Variants in RALA observed in about 807,000 individuals in gnomAD.
RALA encodes the protein ras-related protein Ral-A.
In RALA, 5 loss-of-function variants were observed where a neutral mutation model predicts 24.0. That is an observed-to-expected ratio of 0.21 (90% CI 0.11 to 0.44). RALA has a LOEUF of 0.44. Among genes scored for constraint, RALA ranks in the 20% least tolerant of loss-of-function variants. The pLI is 0.99. For synonymous variants in RALA, 77 were observed against 83.8 expected (o/e 0.92, Z 0.44); for missense variants, 95 against 241.2 (o/e 0.39, Z 4.01).
chr7:39,667,542 A>G (rs960270459), intron 1 of RALA, among the ~76,000 whole-genome samples: 1 of 152,212 alleles, frequency 6.6e-6, no homozygotes, highest in Admixed American at 6.5e-5. Flanking sequence ...TGTAGGGGGA[A>G]TCTCTTCTTC....
At position 39,706,748 on chromosome 7, in the gene RALA, A is replaced by G. The variant is rs1793126966; in HGVS notation, c.*503A>G. On this transcript the variant is annotated 3_prime_UTR_variant, in exon 5 of 5. Transcript: ENST00000005257. Reference sequence around the variant, plus strand: ...TGGCATGGTTGTTGCATATAGTTAAACTGAGAGTAATTCATCTGTGAATCT... The same window carrying G: ...TGGCATGGTTGTTGCATATAGTTAAGCTGAGAGTAATTCATCTGTGAATCT... The G allele has an allele frequency of 6.6e-6, 1 of 152,566 alleles. No homozygotes were observed. The highest frequency in any genetic ancestry group is 2.4e-5 in the African/African-American group (1 of 41,438). The allele number at this position is 152,566 out of a possible 1,614,324, so 9.5% of individuals were successfully genotyped here.
intron 1 of RALA, among the ~76,000 whole-genome samples, chr7:39,667,705 A>G (rs973953224): frequency 2.6e-5 from 4 of 152,252 alleles, no homozygotes; most frequent in Non-Finnish European, 5.9e-5. Context: ...TTGCAGCAAC[A>G]TCTGTTCCAT....
intron 3 of RALA, among the ~76,000 whole-genome samples, chr7:39,692,615 T>TA (rs1256681459): frequency 6.6e-5 from 10 of 152,106 alleles, no homozygotes; most frequent in African/African-American, 2.4e-4. Context: ...CTATTAACTC[T>TA]AAAAAAATAA....
intron 4 of RALA, among the ~76,000 whole-genome samples, chr7:39,702,306 A>G (rs1185481010): frequency 2.6e-5 from 4 of 152,116 alleles, no homozygotes; most frequent in Non-Finnish European, 4.4e-5. Flanking sequence ...AGTCATACAT[A>G]TCTCTAAGGG....
rs11418081 is a variant in RALA at position 39,679,072 on chromosome 7, C to CTT, written c.-37-7547_-37-7546dup. Reference sequence around the variant, plus strand: ...GCATATGGGATATGTTGTTCTGTATCTTTTTTTTTTTTTCCACTTTAGCTC... The same window carrying CTT: ...GCATATGGGATATGTTGTTCTGTATCTTTTTTTTTTTTTTTCCACTTTAGCTC... On this transcript the variant is annotated intron_variant, in intron 1 of 4. Transcript: ENST00000005257. Among the ~76,000 whole-genome samples, 520 of 145,622 alleles carry CTT rather than the reference C, an allele frequency of 3.6e-3. 2 individuals carry two copies. The highest frequency in any genetic ancestry group is 9.8e-3 in the African/African-American group (390 of 39,774).
chr7:39,667,468 A>C (rs1583730733), intron 1 of RALA, among the ~76,000 whole-genome samples: 1 of 152,230 alleles, frequency 6.6e-6, no homozygotes, highest in East Asian at 1.9e-4. Flanking sequence ...GACAGAAGAC[A>C]GATGGTGCTG....
rs1419001092 is a variant in RALA, at chr7:39,673,872, A to G, written c.-37-12759A>G. On this transcript the variant is annotated intron_variant, in intron 1 of 4. Transcript: ENST00000005257. ...TCCCTTAAGAGGGTTGGCCAGACCT[A>G]GTGGCTCAAACTTATAATCCCAGCA... 2.0e-5 allele frequency among the ~76,000 whole-genome samples: 3 copies of G among 151,974 alleles called. No homozygotes were observed. The East Asian group carries it at 5.8e-4, about 29-fold the overall frequency.
chr7:39,700,649 G>A (rs1000543356), intron 4 of RALA: 5 of 152,222 alleles, frequency 3.3e-5, no homozygotes, highest in African/African-American at 1.2e-4. Flanking sequence ...AGAAGGAAGG[G>A]GAATAGACTT....
intron 1 of RALA, among the ~76,000 whole-genome samples, chr7:39,640,870 C>T (rs895165698): frequency 6.6e-6 from 1 of 152,204 alleles, no homozygotes; most frequent in African/African-American, 2.4e-5. Flanking sequence ...AAATCCAGTT[C>T]AGCAAAACAG....
chr7:39,632,476 T>A (rs945865887), intron 1 of RALA, among the ~76,000 whole-genome samples: 2 of 152,232 alleles, frequency 1.3e-5, no homozygotes, highest in African/African-American at 2.4e-5. Flanking sequence ...GCTATGTATA[T>A]ACCTTACAAG....
intron 4 of RALA, among the ~76,000 whole-genome samples, chr7:39,701,188 A>G (rs1186295550): frequency 6.6e-6 from 1 of 152,174 alleles, no homozygotes; most frequent in Admixed American, 6.5e-5. Context: ...TGGCGCTCAC[A>G]TGCTCACATT....
intron 1 of RALA, among the ~76,000 whole-genome samples, chr7:39,634,524 A>G (rs1402420497): frequency 6.6e-6 from 1 of 152,116 alleles, no homozygotes; most frequent in African/African-American, 2.4e-5. Flanking sequence ...TCTGTCTTCC[A>G]TCATCTTTCT....
At chr7:39,692,896 G>A (rs928553412) in intron 3 of RALA, among the ~76,000 whole-genome samples, 3 of 152,136 alleles carry the variant, frequency 2.0e-5, no homozygotes, top group Admixed American at 6.5e-5. Context: ...ATTCAGTGGC[G>A]ATCATTAGAA....
rs1487968122 is a variant in RALA at position 39,706,362 on chromosome 7, C to T, written c.*117C>T. On this transcript the variant is annotated 3_prime_UTR_variant, in exon 5 of 5. Coordinates refer to ENST00000005257, the MANE Select transcript of RALA (RefSeq NM_005402.4). ...TAACATTTTGGAAATTGTTGTATAT[C>T]ACTAAAAGCATGAATTGGAACTGCA... 1 of 1,125,310 alleles carries T rather than the reference C, an allele frequency of 8.9e-7. No individual in the cohort carries two copies. Among genetic ancestry groups the T allele is most frequent in the Non-Finnish European group, 1.3e-6 (1 of 784,412 alleles). 69.7% of individuals were successfully genotyped at this position (1,125,310 alleles called of 1,614,324 possible). A position where few individuals can be genotyped will look rare whatever the true frequency, so the allele number is the denominator to read the frequency against.
At chr7:39,673,577 G>T (rs1329288611) in intron 1 of RALA, among the ~76,000 whole-genome samples, 1 of 152,044 alleles carries the variant, frequency 6.6e-6, no homozygotes, top group Non-Finnish European at 1.5e-5. Context: ...AAATTTAATT[G>T]TATATGTTAT....
intron 1 of RALA, among the ~76,000 whole-genome samples, chr7:39,651,376 A>G (rs922494062): frequency 1.3e-5 from 2 of 152,218 alleles, no homozygotes; most frequent in Non-Finnish European, 2.9e-5. Flanking sequence ...AGAAGCCCAC[A>G]TAAGGGCGTG....
intron 3 of RALA, among the ~76,000 whole-genome samples, chr7:39,694,204 T>C (rs1792878081): frequency 6.6e-6 from 1 of 152,252 alleles, no homozygotes; most frequent in African/African-American, 2.4e-5. Flanking sequence ...ACAGTTATAA[T>C]TGCCAGCAGT....
chr7:39,636,910 G>C (rs1308404057), intron 1 of RALA, among the ~76,000 whole-genome samples: 4 of 152,128 alleles, frequency 2.6e-5, no homozygotes, highest in Non-Finnish European at 4.4e-5. Flanking sequence ...ACTATCACTA[G>C]AACAGCATGG....
chr7:39,677,099 T>C (rs1372803833), intron 1 of RALA, among the ~76,000 whole-genome samples: 1 of 152,140 alleles, frequency 6.6e-6, no homozygotes, highest in Non-Finnish European at 1.5e-5. Flanking sequence ...GAGAAGGTAG[T>C]ATGGCCACAG....
Sources: gnomAD v4.1 joint callset for allele counts (sites outside exome capture counted in the v4.1 genomes callset) on GRCh38, gnomAD v4.1.1 for gene constraint, MANE v1.5 for transcripts, NCBI Gene and HGNC (gene_info 2026-07-23, HGNC 2026-07-21) for gene names.